TTC6: variants seen among roughly 807,000 people sequenced by gnomAD.
TTC6 encodes tetratricopeptide repeat domain 6.
TTC6 carries 172 observed loss-of-function variants against 210.4 expected under a neutral mutation model. That is an observed-to-expected ratio of 0.82 (90% CI 0.72 to 0.93). The LOEUF (loss-of-function observed/expected upper bound fraction) is 0.93. TTC6 is among the 40% of genes least tolerant of loss of function. TTC6 has a pLI of 0.00. For missense variants in TTC6, 2,414 were observed against 2,318.1 expected (o/e 1.04, Z -0.85); for synonymous variants, 804 against 819.6 (o/e 0.98, Z 0.32).
intron 29 of TTC6, among the ~76,000 whole-genome samples, chr14:37,840,128 A>G (rs549805009): frequency 1.4e-4 from 22 of 152,250 alleles, no homozygotes; most frequent in East Asian, 1.2e-3. Flanking sequence ...GAAGAATCAA[A>G]TAGACACAAT....
rs1289423720 is a variant in TTC6 at position 37,790,721 on chromosome 14, CAT to C, written c.3443_3444del (p.Ile1148LysfsTer2). 3.9e-6 allele frequency: 6 copies of C among 1,532,964 alleles called. No homozygotes were observed. Among genetic ancestry groups the C allele is most frequent in the Non-Finnish European group, 5.2e-6 (6 of 1,144,774 alleles). 95.0% of individuals were successfully genotyped at this position (1,532,964 alleles called of 1,614,324 possible). On this transcript the variant is annotated frameshift_variant, in exon 16 of 31. Coordinates refer to ENST00000553443, the Ensembl canonical transcript of TTC6. LOFTEE classifies it high-confidence loss of function. ...CATTTTTTTAAACTTTTTAAGCACT[CAT>C]AAATGATGGCTATGAGAATCTTGGT...
At chr14:37,793,587 C>G (rs1258383969) in intron 17 of TTC6, among the ~76,000 whole-genome samples, 1 of 152,184 alleles carries the variant, frequency 6.6e-6, no homozygotes, top group Non-Finnish European at 1.5e-5. Context: ...TAGTTCTTGA[C>G]TCTGTCAGGG....
At chr14:37,748,764 A>T (rs1259954564) in intron 10 of TTC6, among the ~76,000 whole-genome samples, 175 bp from the exon 13 acceptor site, 1 of 152,144 alleles carries the variant, frequency 6.6e-6, no homozygotes. Context: ...CTTGAGGGAG[A>T]TTCTTCATAC....
At chr14:37,619,213 T>C (rs1293930799), upstream of TTC6, among the ~76,000 whole-genome samples, 2 of 152,154 alleles carry the variant, frequency 1.3e-5, no homozygotes, top group African/African-American at 4.8e-5. Flanking sequence ...ATGGATAGAA[T>C]TGAATTGTCC....
intron 17 of TTC6, among the ~76,000 whole-genome samples, chr14:37,792,773 ATGTTGTGTGTGTGTGTGTGTGTG>A (rs1013889366): frequency 7.5e-6 from 1 of 133,990 alleles, no homozygotes; most frequent in African/African-American, 2.9e-5. Flanking sequence ...CTATGGTCCA[ATGTTGTGTGTGTGTGTGTGTGTG>A]TGTGTGTGTG....
At chr14:37,839,986 T>C (rs945617618) in intron 29 of TTC6, among the ~76,000 whole-genome samples, 4 of 152,200 alleles carry the variant, frequency 2.6e-5, no homozygotes, top group African/African-American at 9.6e-5. Context: ...CTGAGGCCTC[T>C]GTTCTGTTCC....
At chr14:37,781,264 AT>A (rs1352673817) in intron 14 of TTC6, among the ~76,000 whole-genome samples, 1 of 152,052 alleles carries the variant, frequency 6.6e-6, no homozygotes, top group Non-Finnish European at 1.5e-5. Flanking sequence ...AAGTGTTCCT[AT>A]TTTTCCACAA....
intron 24 of TTC6, 107 bp from the exon 27 acceptor site, chr14:37,812,207 T>A: frequency 8.6e-7 from 1 of 1,164,494 alleles, no homozygotes; most frequent in Non-Finnish European, 1.2e-6. Flanking sequence ...TAAAACAAAT[T>A]GAAGAACTAA....
intron 29 of TTC6, among the ~76,000 whole-genome samples, chr14:37,838,060 G>C (rs903585709): frequency 2.0e-5 from 3 of 152,144 alleles, no homozygotes; most frequent in African/African-American, 7.2e-5. Context: ...GATTGTGTTT[G>C]GTTGGGAAAA....
chr14:37,691,888 G>T (rs1325652106), intron 3 of TTC6, among the ~76,000 whole-genome samples: 1 of 152,016 alleles, frequency 6.6e-6, no homozygotes, highest in Non-Finnish European at 1.5e-5. Context: ...ATCATTAGTA[G>T]CTACTATGAG....
At chr14:37,795,125 C>A in intron 17 of TTC6, 145 bp from the exon 20 acceptor site, 2 of 462,078 alleles carry the variant, frequency 4.3e-6, no homozygotes, top group South Asian at 4.6e-5. Flanking sequence ...CTCTGTATCC[C>A]ATTTGCTTTG....
chr14:37,646,834 A>T (rs900659598), intron 1 of TTC6, among the ~76,000 whole-genome samples: 1 of 152,204 alleles, frequency 6.6e-6, no homozygotes, highest in Non-Finnish European at 1.5e-5. Context: ...AGTTGCTACG[A>T]TTTACACAGT....
At position 37,787,609 on chromosome 14, in the gene TTC6, T is replaced by C. The variant is rs1352313065; in HGVS notation, c.3408T>C (p.Phe1136=). The C allele has an allele frequency of 2.6e-6, 4 of 1,521,594 alleles. No homozygotes were observed. In the Admixed American group the frequency reaches 7.9e-5, roughly 30 times the overall value. 94.3% of individuals were successfully genotyped at this position (1,521,594 alleles called of 1,614,324 possible). A position where few individuals can be genotyped will look rare whatever the true frequency, so the allele number is the denominator to read the frequency against. ...GCTTATTCAGAAAGAGTAACCCTTT[T>C]AGAGCGCTACAGGATTATAGTGTTT... Residue 1136 remains phenylalanine (F), a synonymous_variant, in exon 15 of 31, where the codon TTT becomes TTC. Transcript: ENST00000553443.
chr14:37,667,571 A>C (rs1050995749), intron 1 of TTC6, among the ~76,000 whole-genome samples: 3 of 150,740 alleles, frequency 2.0e-5, no homozygotes, highest in Non-Finnish European at 3.0e-5. Flanking sequence ...AACATGTTTG[A>C]ATCCCATTTA....
In TTC6 at chr14:37,786,008, C is replaced by T. The variant is rs112577689; in HGVS notation, c.3267-1460C>T. 9.7e-4 allele frequency among the ~76,000 whole-genome samples: 147 copies of T among 152,234 alleles called. 1 individual carries two copies. The highest frequency in any genetic ancestry group is 3.4e-3 in the Middle Eastern group (1 of 294). On this transcript the variant is annotated intron_variant, in intron 14 of 30. Transcript: ENST00000553443. ...GGAAGCTTTGTCTCAGAGGGGCACC[C>T]GGCTGTATGAGGCGTCTGTTGGCCC... is the stretch of plus-strand genomic sequence containing the variant.
chr14:37,762,064 G>A (rs534162832), intron 14 of TTC6, among the ~76,000 whole-genome samples: 1 of 152,184 alleles, frequency 6.6e-6, no homozygotes, highest in Admixed American at 6.5e-5. Context: ...ATATAAACGA[G>A]AACATTTGGT....
chr14:37,793,488 G>A (rs1274814153), intron 17 of TTC6, among the ~76,000 whole-genome samples: 4 of 152,212 alleles, frequency 2.6e-5, no homozygotes, highest in African/African-American at 9.6e-5. Flanking sequence ...TCAGGACCCA[G>A]TGTGACTAGA....
chr14:37,680,520 G>T (rs1213598902), intron 2 of TTC6, among the ~76,000 whole-genome samples: 1 of 152,074 alleles, frequency 6.6e-6, no homozygotes, highest in African/African-American at 2.4e-5. Flanking sequence ...CTGATTTAGA[G>T]ACATTTAGAT....
intron 1 of TTC6, among the ~76,000 whole-genome samples, chr14:37,596,869 A>G (rs1346092818): frequency 6.6e-6 from 1 of 152,196 alleles, no homozygotes; most frequent in African/African-American, 2.4e-5. Flanking sequence ...GTTCTTTTAA[A>G]TCTCTTTTAC....
Sources: allele counts gnomAD v4.1 joint callset (sites outside exome capture counted in the v4.1 genomes callset), GRCh38; gene constraint gnomAD v4.1.1; transcripts MANE v1.5; gene names NCBI Gene and HGNC (gene_info 2026-07-23, HGNC 2026-07-21).